ENG: variants seen among roughly 807,000 people sequenced by gnomAD.
ENG encodes endoglin.
In ENG, 17 loss-of-function variants were observed where a neutral mutation model predicts 71.0. The observed-to-expected ratio is 0.24, with a 90% CI of 0.16 to 0.36. ENG has a LOEUF of 0.36. Among genes scored for constraint, ENG ranks in the 10% least tolerant of loss-of-function variants. The pLI is 1.00. For synonymous variants in ENG, 360 were observed against 366.9 expected, an observed-to-expected ratio of 0.98 and a Z score of 0.21; for missense variants, 749 against 868.3, an observed-to-expected ratio of 0.86 and a Z score of 1.73.
In ENG at chr9:127,818,150, G is replaced by A; in HGVS notation, c.1656C>T (p.Ala552=). The A allele has an allele frequency of 5.0e-6, 8 of 1,614,222 alleles. No individual in the cohort carries two copies. The highest frequency in any genetic ancestry group is 1.3e-5 in the African/African-American group (1 of 75,070). The part of the protein sequence containing the change: ...PKTGTLSCTV[A]LRPKTGSQDQ... ...CTTGAGACCCGGTCTTGGGACGCAGGGCTACCGTGCAGCTGAGGGTGCCGG... is the reference window on the plus strand; with the variant it reads ...CTTGAGACCCGGTCTTGGGACGCAGAGCTACCGTGCAGCTGAGGGTGCCGG... The change falls in exon 12 of 15, where the codon GCC becomes GCT. Residue 552 remains alanine (A), a synonymous_variant. Coordinates refer to ENST00000373203, the MANE Select transcript of ENG (RefSeq NM_001114753.3).
Position 127,854,431 on chromosome 9 carries a change from G to A in ENG, c.-76C>T, listed in dbSNP as rs943786398. On this transcript the variant is annotated 5_prime_UTR_variant, in exon 1 of 15. Transcript: ENST00000373203. ...AGGGCTGCGGGCGGGCACCGGGGCC[G>A]GCGTGGGCTCGCACGGGGACCCGAG... 1.1e-4 allele frequency: 159 copies of A among 1,486,002 alleles called. No individual in the cohort carries two copies. The highest frequency in any genetic ancestry group is 1.3e-4 in the Non-Finnish European group (146 of 1,098,984). 92.1% of individuals were successfully genotyped at this position (1,486,002 alleles called of 1,614,324 possible). A position where few individuals can be genotyped will look rare whatever the true frequency, so the allele number is the denominator to read the frequency against.
chr9:127,817,040 T>C, intron 13 of ENG, 109 bp downstream of exon 13: 1 of 1,290,268 alleles, frequency 7.8e-7, no homozygotes, highest in Non-Finnish European at 1.1e-6. Context: ...TTCTCTGGGG[T>C]CCCCCTTGCC....
chr9:127,830,472 G>A (rs868365814), intron 2 of ENG, among the ~76,000 whole-genome samples: 8 of 151,370 alleles, frequency 5.3e-5, no homozygotes, highest in South Asian at 2.1e-4. Context: ...GTGAAACCCC[G>A]TCTTTACTAA....
chr9:127,822,430 A>C (rs956492597), intron 8 of ENG: 9 of 152,380 alleles, frequency 5.9e-5, no homozygotes, highest in African/African-American at 2.2e-4. Flanking sequence ...CATGTATTGA[A>C]ACTTCATTCA....
intron 2 of ENG, among the ~76,000 whole-genome samples, chr9:127,839,513 T>A (rs1830977382): frequency 6.6e-6 from 1 of 152,178 alleles, no homozygotes; most frequent in Admixed American, 6.5e-5. Context: ...CAGCTTGCCC[T>A]GCTGAAAATG....
intron 1 of ENG, among the ~76,000 whole-genome samples, chr9:127,853,409 C>T (rs920606793): frequency 6.6e-6 from 1 of 152,178 alleles, no homozygotes; most frequent in African/African-American, 2.4e-5. Context: ...GACCGGCCAG[C>T]GGCTTGAGGT....
At chr9:127,816,134 T>C in intron 13 of ENG, 81 bp from the exon 14 acceptor site, 1 of 1,525,496 alleles carries the variant, frequency 6.6e-7, no homozygotes, top group Admixed American at 1.9e-5. Context: ...CATGTGGGCT[T>C]TGGTGCCAGC....
chr9:127,844,661 T>G (rs1831128989), intron 1 of ENG, among the ~76,000 whole-genome samples: 1 of 152,134 alleles, frequency 6.6e-6, no homozygotes, highest in Non-Finnish European at 1.5e-5. Context: ...ACTCCTGGAC[T>G]CAAGAGATCC....
intron 10 of ENG, chr9:127,819,188 CG>C (rs1830412937): frequency 3.0e-6 from 1 of 334,634 alleles, no homozygotes; most frequent in Non-Finnish European, 5.7e-6. Context: ...CTGCCCGCCT[CG>C]GCCTCCCAAA....
chr9:127,825,977 G>A, intron 4 of ENG, 117 bp from the exon 5 acceptor site: 1 of 1,376,204 alleles, frequency 7.3e-7, no homozygotes, highest in Non-Finnish European at 1.0e-6. Context: ...CTGCAGAGGG[G>A]GAGAGGCGTC....
At chr9:127,845,239 T>G (rs11789185) in intron 1 of ENG, among the ~76,000 whole-genome samples, 116,548 of 152,190 alleles carry the variant, frequency 0.77, 48,149 homozygotes, top group East Asian at 0.93. Flanking sequence ...GGAGGCTTCT[T>G]CTGAACCCTG....
At chr9:127,833,276 C>T (rs2131900968) in intron 2 of ENG, among the ~76,000 whole-genome samples, 1 of 152,100 alleles carries the variant, frequency 6.6e-6, no homozygotes. Context: ...AATCCCAGCA[C>T]TTTGGGAGGC....
chr9:127,816,969 G>A, intron 13 of ENG, 180 bp downstream of exon 13: 3 of 725,494 alleles, frequency 4.1e-6, no homozygotes, highest in South Asian at 3.2e-5. Flanking sequence ...GTGCAGCTCT[G>A]GCCCCTGCTC....
In ENG at chr9:127,829,812, C is replaced by G. The variant is rs763992842; in HGVS notation, c.235G>C (p.Glu79Gln). 3.1e-6 allele frequency: 5 copies of G among 1,613,928 alleles called. No homozygotes were observed. In the South Asian group the frequency reaches 4.4e-5, roughly 14 times the overall value. ...LEFPTGPSQL[E>Q]LTLQASKQNG... ...TGCTTGGATGCCTGGAGAGTCAGCT[C>G]CAGCTGTGACGGGCCCTGGGGGACA... The change falls in exon 3 of 15, where the codon GAG (glutamate) becomes CAG (glutamine). Residue 79 changes from glutamate (E) to glutamine (Q), a missense_variant. Coordinates refer to ENST00000373203, the MANE Select transcript of ENG (RefSeq NM_001114753.3).
intron 1 of ENG, among the ~76,000 whole-genome samples, chr9:127,847,461 C>A (rs1396053969): frequency 2.0e-5 from 3 of 151,928 alleles, no homozygotes; most frequent in Non-Finnish European, 4.4e-5. Flanking sequence ...GCTGCCACCC[C>A]CCCTTTTCTT....
intron 2 of ENG, among the ~76,000 whole-genome samples, chr9:127,834,691 C>T (rs1830854080): frequency 6.6e-6 from 1 of 151,828 alleles, no homozygotes; most frequent in Non-Finnish European, 1.5e-5. Context: ...GCGTGTGCCA[C>T]CACGCCCAGC....
chr9:127,841,430 A>C (rs920914372), intron 2 of ENG, among the ~76,000 whole-genome samples: 3 of 152,228 alleles, frequency 2.0e-5, no homozygotes, highest in African/African-American at 7.2e-5. Flanking sequence ...GGACCTGAAC[A>C]TTAAAACAAA....
Position 127,819,955 on chromosome 9 carries a change from C to T in ENG, c.1217G>A (p.Arg406His), listed in dbSNP as rs149065210. Residue 406 changes from arginine (R) to histidine (H), a missense_variant, in exon 9 of 15, where the codon CGC becomes CAC. Coordinates refer to ENST00000373203, the MANE Select transcript of ENG (RefSeq NM_001114753.3). ...CATGCCACAGCTGGAGTAAGCACTGCGCAAGACAAACTTGTCACCCCTGTC... is the reference window on the plus strand; with the variant it reads ...CATGCCACAGCTGGAGTAAGCACTGTGCAAGACAAACTTGTCACCCCTGTC... ...AEDRGDKFVLRSAYSSCGMQV... is the reference protein window; with the variant it reads ...AEDRGDKFVLHSAYSSCGMQV... 1.6e-5 allele frequency: 26 copies of T among 1,614,098 alleles called. No individual in the cohort carries two copies. Among genetic ancestry groups the T allele is most frequent in the Admixed American group, 3.3e-5 (2 of 60,006 alleles).
chr9:127,817,085 C>G, intron 13 of ENG, 64 bp downstream of exon 13: 1 of 1,586,940 alleles, frequency 6.3e-7, no homozygotes, highest in Non-Finnish European at 8.7e-7. Flanking sequence ...CTCAGGGCTG[C>G]CCGCTGTGCC....
Sources: gnomAD v4.1 joint callset for allele counts (sites outside exome capture counted in the v4.1 genomes callset) on GRCh38, gnomAD v4.1.1 for gene constraint, MANE v1.5 for transcripts, NCBI Gene and HGNC (gene_info 2026-07-23, HGNC 2026-07-21) for gene names.